Variants in PDXDC1 observed in about 807,000 individuals in gnomAD.
PDXDC1 encodes pyridoxal-dependent decarboxylase domain-containing protein 1.
PDXDC1 carries 42 observed loss-of-function variants against 100.1 expected under a neutral mutation model. That is an observed-to-expected ratio of 0.42 (90% CI 0.33 to 0.54). The LOEUF (loss-of-function observed/expected upper bound fraction) is 0.54, where lower values mean the gene tolerates loss of function less well. Ranked by LOEUF, PDXDC1 falls within the 20% of genes least tolerant of loss-of-function variation. PDXDC1 has a pLI of 0.10. For synonymous variants in PDXDC1, 260 were observed against 371.7 expected, an observed-to-expected ratio of 0.70 and a Z score of 3.46; for missense variants, 636 against 979.2, an observed-to-expected ratio of 0.65 and a Z score of 4.68.
intron 16 of PDXDC1, among the ~76,000 whole-genome samples, chr16:15,123,065 A>G (rs1228556402): frequency 4.6e-5 from 7 of 150,714 alleles, no homozygotes; most frequent in South Asian, 2.1e-4. Flanking sequence ...CTTAGGAGCA[A>G]TTAGAGGGAG....
intron 16 of PDXDC1, chr16:15,074,847 T>G: frequency 6.2e-7 from 1 of 1,610,024 alleles, no homozygotes; most frequent in Non-Finnish European, 8.5e-7. Context: ...CATGTTCAGT[T>G]TCTTCATCTT....
intron 16 of PDXDC1, chr16:15,126,810 C>T (rs2047759490): frequency 6.0e-6 from 1 of 165,850 alleles, no homozygotes. Context: ...GCGCCCGCCA[C>T]CATGCCCAGC....
At chr16:15,151,739 C>G in the PDXDC1 span, among the ~76,000 whole-genome samples, 1 of 116,026 alleles carries the variant, frequency 8.6e-6, no homozygotes, top group African/African-American at 2.7e-5. Context: ...CAAGACCAGC[C>G]TGACCAATAT....
intron 1 of PDXDC1, among the ~76,000 whole-genome samples, chr16:14,976,026 C>T (rs1359021266): frequency 1.3e-5 from 2 of 152,302 alleles, no homozygotes; most frequent in African/African-American, 2.4e-5. Flanking sequence ...TCTGGTTTCC[C>T]CTTGGGGGAA....
chr16:15,011,357 A>G (rs1183258415), intron 8 of PDXDC1, among the ~76,000 whole-genome samples: 1 of 152,290 alleles, frequency 6.6e-6, no homozygotes, highest in Non-Finnish European at 1.5e-5. Flanking sequence ...CATATGGAAA[A>G]AAACTGAATC....
At chr16:15,082,488 C>A (rs1024569850) in intron 16 of PDXDC1, among the ~76,000 whole-genome samples, 1 of 151,956 alleles carries the variant, frequency 6.6e-6, no homozygotes, top group African/African-American at 2.4e-5. Context: ...GTCTGGCCAA[C>A]GCGGCAAAAT....
intron 6 of PDXDC1, among the ~76,000 whole-genome samples, chr16:15,006,971 G>A (rs1298294742): frequency 6.6e-6 from 1 of 152,244 alleles, no homozygotes; most frequent in Admixed American, 6.5e-5. Flanking sequence ...ATTAACTGTT[G>A]CCCTTTTGGA....
At chr16:15,147,450 G>C in the PDXDC1 span, among the ~76,000 whole-genome samples, 1 of 152,218 alleles carries the variant, frequency 6.6e-6, no homozygotes, top group Non-Finnish European at 1.5e-5. Context: ...GCCGTGATGA[G>C]CTATGGAGAG....
the PDXDC1 span, among the ~76,000 whole-genome samples, chr16:15,147,974 C>T: frequency 8.6e-5 from 13 of 151,568 alleles, no homozygotes; most frequent in African/African-American, 2.4e-4. Flanking sequence ...CGTGAACCAC[C>T]GCGCCCACCC....
intron 5 of PDXDC1, among the ~76,000 whole-genome samples, chr16:15,005,967 C>T (rs58015203): frequency 0.017 from 2,577 of 151,532 alleles, no homozygotes; most frequent in African/African-American, 0.059. Flanking sequence ...AGATTACAGG[C>T]GTGAGCCACC....
At chr16:15,034,253 A>C (rs757186215) in intron 19 of PDXDC1, 33 bp from the exon 20 acceptor site, 2 of 1,599,856 alleles carry the variant, frequency 1.3e-6, no homozygotes, top group Non-Finnish European at 1.7e-6. Context: ...TGAGAACCTT[A>C]AACAAGTAAT....
intron 16 of PDXDC1, among the ~76,000 whole-genome samples, chr16:15,030,647 G>C (rs940571552): frequency 2.0e-5 from 3 of 150,784 alleles, no homozygotes; most frequent in African/African-American, 7.3e-5. Context: ...GCAGTGGTGC[G>C]ATCATGGCTC....
chr16:15,033,961 C>G (rs2043230827), intron 19 of PDXDC1: 2 of 461,002 alleles, frequency 4.3e-6, no homozygotes, highest in Non-Finnish European at 7.9e-6. Context: ...AGGAGAGAGA[C>G]ACGAGCCATT....
chr16:15,034,362 A>G lies in PDXDC1; in HGVS notation c.1889A>G (p.Glu630Gly). Residue 630 changes from glutamate to glycine, a missense_variant, in exon 20 of 23, where the codon GAA becomes GGA. Around this residue, in one of 4 missense-constraint regions of PDXDC1, gnomAD observed 452 missense variants for 402.9 expected, o/e 1.12. Transcript: ENST00000396410. ...GTGGAGCTGCAGAAGGCAAGTGAAG[A>G]ACGGCTTCTGGAAGAGGTGAGGCCC... ...AQVELQKASE[E>G]RLLEEGVLRQ... 1.9e-6 allele frequency: 3 copies of G among 1,613,460 alleles called. No homozygotes were observed. Among genetic ancestry groups the G allele is most frequent in the Non-Finnish European group, 2.5e-6 (3 of 1,179,976 alleles).
chr16:15,097,440 C>T (rs1567239060), intron 16 of PDXDC1, among the ~76,000 whole-genome samples: 2 of 112,398 alleles, frequency 1.8e-5, no homozygotes, highest in South Asian at 6.2e-4. Context: ...CTGGCTAATG[C>T]GGTGAAACCC....
intron 1 of PDXDC1, among the ~76,000 whole-genome samples, chr16:14,991,526 A>ATTTTT (rs1168644641): frequency 3.7e-3 from 506 of 136,256 alleles, no homozygotes; most frequent in African/African-American, 0.013. Flanking sequence ...TATTTTGTCT[A>ATTTTT]TTTTTTTTTT....
intron 16 of PDXDC1, among the ~76,000 whole-genome samples, chr16:15,071,901 A>T (rs1350315753): frequency 1.3e-5 from 2 of 152,212 alleles, no homozygotes; most frequent in South Asian, 2.1e-4. Flanking sequence ...AGAACTGGTG[A>T]CCAACAATAA....
At chr16:15,053,394 C>T (rs1172692472) in intron 16 of PDXDC1, among the ~76,000 whole-genome samples, 2 of 152,184 alleles carry the variant, frequency 1.3e-5, no homozygotes, top group African/African-American at 4.8e-5. Flanking sequence ...ACACAGGCTT[C>T]TAACTGTTGG....
At chr16:15,043,368 A>G (rs947893648) in intron 16 of PDXDC1, among the ~76,000 whole-genome samples, 2 of 152,206 alleles carry the variant, frequency 1.3e-5, no homozygotes, top group Non-Finnish European at 2.9e-5. Flanking sequence ...TTATGGCGAG[A>G]CCCTGTCTCC....
Sources: allele counts gnomAD v4.1 joint callset (sites outside exome capture counted in the v4.1 genomes callset), GRCh38; gene constraint gnomAD v4.1.1; regional missense constraint gnomAD v4.1.1; transcripts MANE v1.5; gene names NCBI Gene and HGNC (gene_info 2026-07-23, HGNC 2026-07-21).